The following HECW2 variants were observed in gnomAD, a reference collection of about 807,000 sequenced individuals.
HECW2 encodes the protein HECT, C2 and WW domain containing E3 ubiquitin protein ligase 2.
HECW2 carries 61 observed loss-of-function variants against 175.2 expected under a neutral mutation model. The ratio of observed to expected loss-of-function variants is 0.35; its 90% CI spans 0.28 to 0.43. The LOEUF is 0.43. Ranked by LOEUF, HECW2 falls within the 20% of genes least tolerant of loss-of-function variation. HECW2 has a pLI of 1.00. For synonymous variants in HECW2, 671 were observed against 731.0 expected (o/e 0.92, Z 1.32); for missense variants, 1,524 against 2,000.5 (o/e 0.76, Z 4.54).
intron 10 of HECW2, among the ~76,000 whole-genome samples, chr2:196,311,927 C>T (rs1032268999): frequency 2.0e-5 from 3 of 152,082 alleles, no homozygotes; most frequent in African/African-American, 4.8e-5. Flanking sequence ...AAGGGAAAGT[C>T]GGAGAATTAG....
chr2:196,489,066 T>C (rs1687102600), intron 1 of HECW2, among the ~76,000 whole-genome samples: 1 of 152,192 alleles, frequency 6.6e-6, no homozygotes, highest in Admixed American at 6.5e-5. Context: ...GTTAGTTACC[T>C]TTTGTTCTTG....
intron 1 of HECW2, among the ~76,000 whole-genome samples, chr2:196,530,724 T>C (rs1231738232): frequency 6.6e-6 from 1 of 152,206 alleles, no homozygotes; most frequent in East Asian, 1.9e-4. Flanking sequence ...AATTTACTCT[T>C]ACTGGCATTG....
At chr2:196,337,627 T>G (rs1199877399) in intron 3 of HECW2, among the ~76,000 whole-genome samples, 1 of 151,460 alleles carries the variant, frequency 6.6e-6, no homozygotes, top group Admixed American at 6.6e-5. Flanking sequence ...TATTTGCATA[T>G]ACTTATATGT....
intron 1 of HECW2, among the ~76,000 whole-genome samples, chr2:196,585,069 T>C (rs1220379065): frequency 1.3e-5 from 2 of 152,218 alleles, no homozygotes; most frequent in African/African-American, 4.8e-5. Flanking sequence ...GCTAATAATT[T>C]TCCCTTCCTT....
intron 1 of HECW2, among the ~76,000 whole-genome samples, chr2:196,540,468 T>C (rs76546646): frequency 0.013 from 1,904 of 152,262 alleles, 19 homozygotes; most frequent in Non-Finnish European, 0.016. Flanking sequence ...AGACAGGTTC[T>C]CACTCTGTCA....
At chr2:196,305,789 C>T (rs138980455) in intron 13 of HECW2, among the ~76,000 whole-genome samples, 1 of 152,282 alleles carries the variant, frequency 6.6e-6, no homozygotes, top group Admixed American at 6.5e-5. Context: ...TATCCTAGTA[C>T]AGGTTCCTAT....
intron 1 of HECW2, among the ~76,000 whole-genome samples, chr2:196,496,375 T>A (rs1687393794): frequency 6.6e-6 from 1 of 151,376 alleles, no homozygotes; most frequent in Non-Finnish European, 1.5e-5. Flanking sequence ...GCTGGGTTGA[T>A]ATGAGCAACA....
At chr2:196,296,427 A>G (rs989233016) in intron 13 of HECW2, among the ~76,000 whole-genome samples, 22 of 152,222 alleles carry the variant, frequency 1.4e-4, no homozygotes, top group Admixed American at 9.8e-4. Context: ...AATACAGGCT[A>G]TAAGTAAGTA....
chr2:196,389,690 T>A (rs115842658), intron 2 of HECW2, among the ~76,000 whole-genome samples: 65 of 152,328 alleles, frequency 4.3e-4, no homozygotes, highest in African/African-American at 1.6e-3. Flanking sequence ...AAGGTAACTT[T>A]GAAAGGGGCC....
chr2:196,469,509 T>C (rs1416404246), intron 1 of HECW2, among the ~76,000 whole-genome samples: 1 of 151,954 alleles, frequency 6.6e-6, no homozygotes, highest in African/African-American at 2.4e-5. Flanking sequence ...ATTCTTTATA[T>C]ATCTAGAATA....
chr2:196,363,501 T>A (rs1232504409), intron 2 of HECW2, among the ~76,000 whole-genome samples: 1 of 152,142 alleles, frequency 6.6e-6, no homozygotes, highest in Non-Finnish European at 1.5e-5. Context: ...GGCCAATGGG[T>A]CCACAGTGGG....
chr2:196,527,177 G>A (rs1044653989), intron 1 of HECW2, among the ~76,000 whole-genome samples: 6 of 152,354 alleles, frequency 3.9e-5, no homozygotes, highest in Admixed American at 6.5e-5. Context: ...ATATAATCTC[G>A]TGGTGCGCCG....
intron 1 of HECW2, among the ~76,000 whole-genome samples, chr2:196,483,641 C>T (rs982119134): frequency 5.3e-5 from 8 of 152,178 alleles, no homozygotes. Flanking sequence ...CCCTAATTTG[C>T]TCATGCCTCC....
intron 3 of HECW2, among the ~76,000 whole-genome samples, chr2:196,336,399 T>G (rs564949293): frequency 6.6e-6 from 1 of 152,278 alleles, no homozygotes; most frequent in African/African-American, 2.4e-5. Context: ...GCATGGGGAT[T>G]GAATTCTCTG....
At chr2:196,279,901 A>G (rs73987957) in intron 14 of HECW2, among the ~76,000 whole-genome samples, 1,656 of 152,362 alleles carry the variant, frequency 0.011, 30 homozygotes, top group African/African-American at 0.038. Flanking sequence ...AGAATCTCTG[A>G]TAACATGAAA....
intron 10 of HECW2, among the ~76,000 whole-genome samples, chr2:196,308,392 T>C (rs1691351217): frequency 6.6e-6 from 1 of 152,162 alleles, no homozygotes. Context: ...AAAATATATG[T>C]AGTTGGTTTC....
Position 196,320,319 on chromosome 2 carries a change from C to CAGAT in HECW2, c.985+16_985+19dup, listed in dbSNP as rs759731418. The CAGAT allele has an allele frequency of 5.7e-6, 8 of 1,394,710 alleles. No individual in the cohort carries two copies. The South Asian group carries it at 9.4e-5, about 16-fold the overall frequency. 86.4% of individuals were successfully genotyped at this position (1,394,710 alleles called of 1,614,324 possible). ...TTTTTCCTATAGCAATGTATTCATA[C>CAGAT]AGATATATTTATATCTCACCTTCAT... On this transcript the variant is annotated intron_variant, in intron 8 of 28. Coordinates refer to ENST00000644978, the MANE Select transcript of HECW2 (RefSeq NM_001348768.2).
In HECW2 at chr2:196,197,390, G is replaced by A. The variant is rs1575205278; in HGVS notation, c.*3887C>T. The A allele has an allele frequency of 6.7e-6, 1 of 149,784 alleles. No individual in the cohort carries two copies. Among genetic ancestry groups the A allele is most frequent in the East Asian group, 2.0e-4 (1 of 5,128 alleles). The allele number at this position is 149,784 out of a possible 1,614,324, so 9.3% of individuals were successfully genotyped here. ...ATTAAAAATTTAAAAATAAAATAAG[G>A]CTTCTGATTAATGTTTTCCATTATC... On this transcript the variant is annotated 3_prime_UTR_variant, in exon 29 of 29. Coordinates refer to ENST00000644978, the MANE Select transcript of HECW2 (RefSeq NM_001348768.2).
At chr2:196,346,327 G>T (rs1692953113) in intron 2 of HECW2, among the ~76,000 whole-genome samples, 1 of 152,220 alleles carries the variant, frequency 6.6e-6, no homozygotes, top group African/African-American at 2.4e-5. Flanking sequence ...GAATGGATGG[G>T]TAGGAATGGG....
Sources: allele counts gnomAD v4.1 joint callset (sites outside exome capture counted in the v4.1 genomes callset), GRCh38; gene constraint gnomAD v4.1.1; transcripts MANE v1.5; gene names NCBI Gene and HGNC (gene_info 2026-07-23, HGNC 2026-07-21).